KANSL1L: variants seen among roughly 807,000 people sequenced by gnomAD.
KANSL1L encodes KAT8 regulatory NSL complex subunit 1-like protein.
Under a neutral mutation model 108.6 loss-of-function variants are expected in KANSL1L, and 25 were observed. The ratio of observed to expected loss-of-function variants is 0.23; its 90% CI spans 0.17 to 0.32. The LOEUF is 0.32. Ranked by LOEUF, KANSL1L falls within the 10% of genes least tolerant of loss-of-function variation. The pLI, the probability that KANSL1L is intolerant of heterozygous loss-of-function variation, is 1.00. For synonymous variants in KANSL1L, 405 were observed against 395.1 expected, an observed-to-expected ratio of 1.03 and a Z score of -0.30; for missense variants, 1,137 against 1,125.7, an observed-to-expected ratio of 1.01 and a Z score of -0.14.
Position 210,023,163 on chromosome 2 carries a change from C to A in KANSL1L, c.2750G>T (p.Arg917Leu). ...TTCACCCTTCAGTGGAAAAGCCCGT[C>A]GTTCCCACCACAAAGACTGAAAGGG... ...SQETKSLWWE[R>L]RAFPLKGEDM... Residue 917 changes from arginine to leucine, a missense_variant, in exon 15 of 15, where the codon CGA (arginine) becomes CTA (leucine). Physicochemically the swap from Arg to Leu is moderately radical, Grantham distance 102. Transcript: ENST00000281772. 6.2e-7 allele frequency: 1 copy of A among 1,613,848 alleles called. No homozygotes were observed. Among genetic ancestry groups the A allele is most frequent in the Non-Finnish European group, 8.5e-7 (1 of 1,179,852 alleles).
chr2:210,040,180 T>G (rs911829691), intron 8 of KANSL1L: 3 of 385,568 alleles, frequency 7.8e-6, no homozygotes, highest in Admixed American at 9.1e-5. Context: ...TCCACATTTA[T>G]TTAAATTTTT....
chr2:210,054,634 T>C (rs2094329846), intron 6 of KANSL1L, among the ~76,000 whole-genome samples: 1 of 152,168 alleles, frequency 6.6e-6, no homozygotes, highest in Non-Finnish European at 1.5e-5. Context: ...ACTCACAGTT[T>C]ATATCATACT....
rs767790663 is a variant in KANSL1L at position 210,023,048 on chromosome 2, A to G, written c.2865T>C (p.Ser955=). The G allele has an allele frequency of 6.2e-7, 1 of 1,613,764 alleles. No homozygotes were observed. The highest frequency in any genetic ancestry group is 2.2e-5 in the East Asian group (1 of 44,858). The change falls in exon 15 of 15, where the codon AGT becomes AGC. Residue 955 remains serine, a synonymous_variant. Coordinates refer to ENST00000281772, the MANE Select transcript of KANSL1L (RefSeq NM_152519.4). ...TTGGATGGTGGCCATTCTCTGGTAC[A>G]CTGGTACCGAAGATTTCACCATGGA... The part of the protein sequence containing the change: ...TAFHGEIFGT[S]VPENGHHPKK...
rs746908896 is a variant in KANSL1L at position 210,044,138 on chromosome 2, C to G, written c.1756-34G>C. The G allele has an allele frequency of 4.8e-6, 7 of 1,454,918 alleles. No individual in the cohort carries two copies. The Admixed American group carries it at 1.3e-4, about 27-fold the overall frequency. The allele number at this position is 1,454,918 out of a possible 1,614,324, so 90.1% of individuals were successfully genotyped here. On this transcript the variant is annotated intron_variant, in intron 6 of 14. Coordinates refer to ENST00000281772, the MANE Select transcript of KANSL1L (RefSeq NM_152519.4). This position sits in a 1 kb window ranked among gnomAD's most constrained non-coding sequence, Gnocchi z 4.2. The stretch of plus-strand genomic sequence containing the variant: ...AAAAACCGTATTAGAATATCACAGC[C>G]AAAGCATCCATAAATGGCATATCTC...
intron 5 of KANSL1L, among the ~76,000 whole-genome samples, chr2:210,094,317 T>C (rs2094717541): frequency 6.6e-6 from 1 of 152,154 alleles, no homozygotes; most frequent in South Asian, 2.1e-4. Context: ...GAAGTATTTA[T>C]ATGCTTAACA....
At chr2:210,156,741 A>AT (rs1282641072) in intron 1 of KANSL1L, among the ~76,000 whole-genome samples, 2 of 152,118 alleles carry the variant, frequency 1.3e-5, no homozygotes, top group African/African-American at 4.8e-5. Context: ...TGATAGTTCA[A>AT]GGGGATTTGC....
Position 210,171,325 on chromosome 2 carries a change from C to T in KANSL1L, c.-206G>A, listed in dbSNP as rs1688326549. The T allele has an allele frequency of 6.1e-6, 1 of 163,328 alleles. No homozygotes were observed. The allele number at this position is 163,328 out of a possible 1,614,324, so 10.1% of individuals were successfully genotyped here. ...CCGCCGCCGCCGCCGCCGCCGCCGCCGCCGCCGCCGCCGCCGCGGTTTAAC... is the reference window on the plus strand; with the variant it reads ...CCGCCGCCGCCGCCGCCGCCGCCGCTGCCGCCGCCGCCGCCGCGGTTTAAC... On this transcript the variant is annotated 5_prime_UTR_variant, in exon 1 of 15. Coordinates refer to ENST00000281772, the MANE Select transcript of KANSL1L (RefSeq NM_152519.4).
At chr2:210,074,782 AATAG>A (rs2094530938) in intron 6 of KANSL1L, among the ~76,000 whole-genome samples, 1 of 152,248 alleles carries the variant, frequency 6.6e-6, no homozygotes, top group African/African-American at 2.4e-5. Flanking sequence ...AACATATTTA[AATAG>A]ATAACGTAAT....
chr2:210,085,013 G>A (rs1293422033), intron 5 of KANSL1L, among the ~76,000 whole-genome samples: 7 of 151,856 alleles, frequency 4.6e-5, no homozygotes, highest in South Asian at 2.1e-4. Context: ...TATGGACTTC[G>A]GATACAGGTT....
chr2:210,102,961 T>C (rs2094809112), intron 4 of KANSL1L, among the ~76,000 whole-genome samples: 2 of 152,166 alleles, frequency 1.3e-5, no homozygotes, highest in African/African-American at 4.8e-5. Flanking sequence ...GCCATCCCAT[T>C]ACTGGGTATA....
chr2:210,031,280 T>G (rs1378067182), intron 9 of KANSL1L, 141 bp downstream of exon 9: 6 of 592,024 alleles, frequency 1.0e-5, no homozygotes, highest in Non-Finnish European at 1.4e-5. Flanking sequence ...GAATATGCTG[T>G]TTCATGTTTG....
At chr2:210,080,913 C>T (rs1575491858) in intron 5 of KANSL1L, among the ~76,000 whole-genome samples, 1 of 151,904 alleles carries the variant, frequency 6.6e-6, no homozygotes, top group South Asian at 2.1e-4. Context: ...TTGAGACCAG[C>T]CTGGCCAACA....
intron 8 of KANSL1L, among the ~76,000 whole-genome samples, chr2:210,034,346 T>A (rs1028589382): frequency 1.3e-5 from 2 of 151,982 alleles, no homozygotes; most frequent in African/African-American, 4.8e-5. Flanking sequence ...ACTCCAAATA[T>A]GAACAGAAAT....
At chr2:210,042,431 C>T (rs1019756110) in intron 7 of KANSL1L, among the ~76,000 whole-genome samples, 1 of 151,920 alleles carries the variant, frequency 6.6e-6, no homozygotes, top group African/African-American at 2.4e-5. Context: ...GTATTTATAC[C>T]AGCTCTCAGG....
chr2:210,104,121 G>A lies in KANSL1L; in HGVS notation c.1411C>T (p.Arg471Ter). The change falls in exon 4 of 15, where the codon CGA becomes TGA. Residue 471 changes from arginine to a stop codon, truncating the protein, a stop_gained. Coordinates refer to ENST00000281772, the MANE Select transcript of KANSL1L (RefSeq NM_152519.4). LOFTEE classifies it high-confidence loss of function. ...MSPSSPTLLL[R>*]NIEKQSAQLT... ...GACTTTACCTGTTTTTCGATGTTTC[G>A]AAGAAGTAAAGTAGGGCTGCTTGGT... is the stretch of plus-strand genomic sequence containing the variant. 6.2e-7 allele frequency: 1 copy of A among 1,613,366 alleles called. No homozygotes were observed. Among genetic ancestry groups the A allele is most frequent in the East Asian group, 2.2e-5 (1 of 44,836 alleles).
At chr2:210,056,840 C>A (rs538885484) in intron 6 of KANSL1L, among the ~76,000 whole-genome samples, 2 of 152,220 alleles carry the variant, frequency 1.3e-5, no homozygotes, top group South Asian at 2.1e-4. Context: ...TAGAAGGTAG[C>A]CTTTTTCTTC....
rs561564002 is a variant in KANSL1L at position 210,118,836 on chromosome 2, C to G, written c.1230+10195G>C. Among the ~76,000 whole-genome samples the G allele has an allele frequency of 4.7e-5, 7 of 149,700 alleles. No homozygotes were observed. In the South Asian group the frequency reaches 1.3e-3, roughly 27 times the overall value. On this transcript the variant is annotated intron_variant, in intron 3 of 14. Coordinates refer to ENST00000281772, the MANE Select transcript of KANSL1L (RefSeq NM_152519.4). ...TCCAGGTTGGGCAACAGAGTAAGAC[C>G]CTGTCTCAAGAGAAAAAAAAAAAAA...
At chr2:210,079,410 AC>A (rs1264240952) in intron 5 of KANSL1L, among the ~76,000 whole-genome samples, 2 of 151,200 alleles carry the variant, frequency 1.3e-5, no homozygotes, top group African/African-American at 4.9e-5. Flanking sequence ...AGCCTGGCCA[AC>A]ATAATTAAAC....
chr2:210,073,698 A>T lies in KANSL1L; in HGVS notation c.1755+1854T>A, dbSNP rs183912567. Among the ~76,000 whole-genome samples the T allele has an allele frequency of 1.2e-3, 188 of 152,166 alleles. 1 individual carries two copies. The highest frequency in any genetic ancestry group is 4.3e-3 in the African/African-American group (177 of 41,528). Reference sequence around the variant, plus strand: ...TGGTTCTCAAGACTTTCCATAAAGAAAAAAAAGAAAGTTCTATGGGATATG... The same window carrying T: ...TGGTTCTCAAGACTTTCCATAAAGATAAAAAAGAAAGTTCTATGGGATATG... On this transcript the variant is annotated intron_variant, in intron 6 of 14. Coordinates refer to ENST00000281772, the MANE Select transcript of KANSL1L (RefSeq NM_152519.4).
Sources: allele counts gnomAD v4.1 joint callset (sites outside exome capture counted in the v4.1 genomes callset), GRCh38; gene constraint gnomAD v4.1.1; non-coding constraint Gnocchi (gnomAD v3.1); transcripts MANE v1.5; gene names NCBI Gene and HGNC (gene_info 2026-07-23, HGNC 2026-07-21).